Variants in WDR17 observed in about 807,000 individuals in gnomAD.
WDR17 encodes the protein WD repeat-containing protein 17.
WDR17 carries 143 observed loss-of-function variants against 161.7 expected under a neutral mutation model. The observed-to-expected ratio is 0.88, with a 90% CI of 0.77 to 1.02. WDR17 has a LOEUF of 1.02. Among genes scored for constraint, WDR17 ranks in the 50% least tolerant of loss-of-function variants. WDR17 has a pLI of 0.00. For missense variants in WDR17, 1,469 were observed against 1,520.9 expected (o/e 0.97, Z 0.57); for synonymous variants, 517 against 515.6 (o/e 1.00, Z -0.04).
In WDR17 at chr4:176,161,021, C is replaced by G. The variant is rs763125992; in HGVS notation, c.2750+19C>G. 6 of 1,590,048 alleles carry G rather than the reference C, an allele frequency of 3.8e-6. No homozygotes were observed. The highest frequency in any genetic ancestry group is 5.1e-6 in the Non-Finnish European group (6 of 1,166,678). On this transcript the variant is annotated intron_variant, in intron 20 of 28. Transcript: ENST00000508596. ...TTAATGAGTGAGTGATTTATTTGCTCTGGGTCCATATGTTTTATGGTTGTC... is the reference window on the plus strand; with the variant it reads ...TTAATGAGTGAGTGATTTATTTGCTGTGGGTCCATATGTTTTATGGTTGTC...
At chr4:176,155,639 G>A (rs1409983417) in intron 17 of WDR17, among the ~76,000 whole-genome samples, 1 of 141,642 alleles carries the variant, frequency 7.1e-6, no homozygotes, top group Non-Finnish European at 1.5e-5. Context: ...TGAACCCCTG[G>A]GCTCAAACGA....
At position 176,179,554 on chromosome 4, in the gene WDR17, CTG is replaced by C. The variant is rs1345007892; in HGVS notation, c.3828_3829del (p.Gly1277AsnfsTer58). On this transcript the variant is annotated frameshift_variant, in exon 29 of 29. Transcript: ENST00000508596. LOFTEE classifies it high-confidence loss of function. The stretch of plus-strand genomic sequence containing the variant: ...GTGAATCCATTCTCACCTTTAGGGA[CTG>C]GAATACGACTCAATCCATTCTGATA... 6.3e-7 allele frequency: 1 copy of C among 1,596,980 alleles called. No homozygotes were observed.
At chr4:176,067,527 T>G (rs572780199) in intron 1 of WDR17, among the ~76,000 whole-genome samples, 2 of 152,368 alleles carry the variant, frequency 1.3e-5, no homozygotes, top group South Asian at 4.1e-4. Context: ...TAAAAAACTG[T>G]GGACATCTGA....
intron 12 of WDR17, among the ~76,000 whole-genome samples, chr4:176,147,402 G>A (rs894125100): frequency 2.6e-5 from 4 of 152,120 alleles, no homozygotes; most frequent in Admixed American, 6.6e-5. Context: ...ACAATCAATA[G>A]ATACAAGTAA....
At chr4:176,130,611 G>A (rs1401179634) in intron 6 of WDR17, among the ~76,000 whole-genome samples, 5 of 151,994 alleles carry the variant, frequency 3.3e-5, no homozygotes, top group South Asian at 2.1e-4. Flanking sequence ...CGGGCGTGGT[G>A]GCAGGAGCCT....
rs73005157 is a variant in WDR17, at chr4:176,174,774, G to C, written c.3449+56G>C. The C allele has an allele frequency of 1.8e-3, 1,933 of 1,099,366 alleles. 28 individuals are homozygous for C. In the African/African-American group the frequency reaches 0.024, roughly 14 times the overall value. 68.1% of individuals were successfully genotyped at this position (1,099,366 alleles called of 1,614,324 possible). Reference sequence around the variant, plus strand: ...TTAGAGCAATTTCTCTTGCTAAGATGGATAGTCTCTAAGTGGATTATACAA... The same window carrying C: ...TTAGAGCAATTTCTCTTGCTAAGATCGATAGTCTCTAAGTGGATTATACAA... On this transcript the variant is annotated intron_variant, in intron 26 of 28. Transcript: ENST00000508596.
intron 1 of WDR17, among the ~76,000 whole-genome samples, chr4:176,101,858 A>G (rs554320664): frequency 3.8e-4 from 58 of 152,288 alleles, no homozygotes; most frequent in African/African-American, 1.3e-3. Context: ...CAGGCCTTAT[A>G]TATTTTACAA....
Position 176,172,401 on chromosome 4 carries a change from T to C in WDR17, c.3129T>C (p.Cys1043=). 6.2e-7 allele frequency: 1 copy of C among 1,608,912 alleles called. No homozygotes were observed. The highest frequency in any genetic ancestry group is 1.1e-5 in the South Asian group (1 of 89,256). ...GTAAGCTACCCACAGTGGAAGAATG[T>C]ATGCAGTTAGCTGAGACAGCCCGTG... The part of the protein sequence containing the change: ...DKCKLPTVEE[C]MQLAETARAD... The change falls in exon 24 of 29, where the codon TGT becomes TGC. Residue 1043 remains cysteine (C), a synonymous_variant. Coordinates refer to ENST00000508596, the MANE Select transcript of WDR17 (RefSeq NM_181265.4).
At chr4:176,159,281 A>ACACACACACGCG (rs1748655378) in intron 18 of WDR17, among the ~76,000 whole-genome samples, 1 of 150,216 alleles carries the variant, frequency 6.7e-6, no homozygotes, top group African/African-American at 2.5e-5. Context: ...ACATGCACAC[A>ACACACACACGCG]CACACACACA....
At chr4:176,145,140 A>G (rs1489800829) in intron 11 of WDR17, among the ~76,000 whole-genome samples, 1 of 152,176 alleles carries the variant, frequency 6.6e-6, no homozygotes, top group African/African-American at 2.4e-5. Context: ...ACAGTGTGTA[A>G]CTGCCTTTCT....
intron 11 of WDR17, among the ~76,000 whole-genome samples, chr4:176,145,115 T>A (rs1477606155): frequency 6.6e-6 from 1 of 152,224 alleles, no homozygotes; most frequent in African/African-American, 2.4e-5. Flanking sequence ...AGGGTTTTGA[T>A]GACAGTTGTG....
Position 176,151,796 on chromosome 4 carries a change from T to C in WDR17, c.2305-16T>C. 6.5e-7 allele frequency: 1 copy of C among 1,545,318 alleles called. No individual in the cohort carries two copies. The highest frequency in any genetic ancestry group is 8.7e-7 in the Non-Finnish European group (1 of 1,151,730). On this transcript the variant is annotated splice_polypyrimidine_tract_variant and intron_variant, in intron 16 of 28. Transcript: ENST00000508596. Reference sequence around the variant, plus strand: ...ATGTCAAATTTTTTTAAATTCTATTTTCTTTTTAAAACCAGTCTGAAGCTC... The same window carrying C: ...ATGTCAAATTTTTTTAAATTCTATTCTCTTTTTAAAACCAGTCTGAAGCTC...
Position 176,069,956 on chromosome 4 carries a change from AT to A in WDR17, c.-7+3878del, listed in dbSNP as rs542398608. ...TGGATGACTTTTAATGAAAAGAGTTATGCAACATTTTATTTTTAAGGTAAAC... is the reference window on the plus strand; with the variant it reads ...TGGATGACTTTTAATGAAAAGAGTTAGCAACATTTTATTTTTAAGGTAAAC... On this transcript the variant is annotated intron_variant, in intron 1 of 28. Transcript: ENST00000508596. 7.9e-5 allele frequency among the ~76,000 whole-genome samples: 12 copies of A among 152,330 alleles called. No individual in the cohort carries two copies. The South Asian group carries it at 2.5e-3, about 32-fold the overall frequency.
chr4:176,166,454 A>G (rs1749786025), intron 22 of WDR17, among the ~76,000 whole-genome samples: 1 of 152,150 alleles, frequency 6.6e-6, no homozygotes, highest in Non-Finnish European at 1.5e-5. Context: ...GTGAAATTTT[A>G]TATTTTAGAT....
intron 2 of WDR17, among the ~76,000 whole-genome samples, chr4:176,112,980 C>T (rs1268274066): frequency 6.6e-6 from 1 of 152,042 alleles, no homozygotes. Flanking sequence ...ATGTATAAAA[C>T]AATCCATTTT....
At chr4:176,139,039 C>T (rs1437648041) in intron 9 of WDR17, among the ~76,000 whole-genome samples, 1 of 151,796 alleles carries the variant, frequency 6.6e-6, no homozygotes, top group African/African-American at 2.4e-5. Context: ...ATTTTTAAAT[C>T]TGCCTGCATA....
At chr4:176,084,282 G>A (rs2126604005) in intron 1 of WDR17, among the ~76,000 whole-genome samples, 1 of 152,218 alleles carries the variant, frequency 6.6e-6, no homozygotes, top group South Asian at 2.1e-4. Flanking sequence ...TCCACTCATG[G>A]TAGAAGGTGA....
Position 176,165,960 on chromosome 4 carries a change from T to C in WDR17, c.2990+2667T>C, listed in dbSNP as rs150904597. Among the ~76,000 whole-genome samples, 408 of 152,288 alleles carry C rather than the reference T, an allele frequency of 2.7e-3. 1 individual carries two copies. Among genetic ancestry groups the C allele is most frequent in the African/African-American group, 9.2e-3 (383 of 41,574 alleles). On this transcript the variant is annotated intron_variant, in intron 22 of 28. Coordinates refer to ENST00000508596, the MANE Select transcript of WDR17 (RefSeq NM_181265.4). ...AGAAAGCTGTAATCCTCCTGGCTAT[T>C]AGTAGAGCTGCACAGATTTTTTAAA... is the stretch of plus-strand genomic sequence containing the variant.
At chr4:176,074,310 A>T (rs34053709) in intron 1 of WDR17, among the ~76,000 whole-genome samples, 79,040 of 151,354 alleles carry the variant, frequency 0.52, 22,021 homozygotes, top group South Asian at 0.63. Context: ...TCACCAGAAC[A>T]CCTTTTCCCT....
Sources: gnomAD v4.1 joint callset for allele counts (sites outside exome capture counted in the v4.1 genomes callset) on GRCh38, gnomAD v4.1.1 for gene constraint, MANE v1.5 for transcripts, NCBI Gene and HGNC (gene_info 2026-07-23, HGNC 2026-07-21) for gene names.